AKAP6: variants seen among roughly 807,000 people sequenced by gnomAD.
AKAP6 encodes the protein A-kinase anchoring protein 6.
AKAP6 carries 58 observed loss-of-function variants against 188.5 expected under a neutral mutation model. That is an observed-to-expected ratio of 0.31 (90% CI 0.25 to 0.38). The LOEUF (loss-of-function observed/expected upper bound fraction) is 0.38. Ranked by LOEUF, AKAP6 falls within the 10% of genes least tolerant of loss-of-function variation. The pLI, the probability that AKAP6 is intolerant of heterozygous loss-of-function variation, is 1.00. For missense variants in AKAP6, 2,710 were observed against 2,740.0 expected (o/e 0.99, Z 0.24); for synonymous variants, 989 against 998.6 (o/e 0.99, Z 0.18).
In AKAP6 at chr14:32,388,828, C is replaced by T. The variant is rs573671299; in HGVS notation, c.-34-44632C>T. On this transcript the variant is annotated intron_variant, in intron 1 of 13. Transcript: ENST00000280979. The stretch of plus-strand genomic sequence containing the variant: ...ACTGTTGAATAGAATGTATATTCTG[C>T]GGTTGTTGGATGGAATGTTCTGTAT... 2.2e-3 allele frequency among the ~76,000 whole-genome samples: 334 copies of T among 152,028 alleles called. 1 individual carries two copies. Among genetic ancestry groups the T allele is most frequent in the Non-Finnish European group, 3.8e-3 (255 of 67,924 alleles).
chr14:32,702,773 C>A (rs901975040), intron 9 of AKAP6, among the ~76,000 whole-genome samples: 1 of 152,130 alleles, frequency 6.6e-6, no homozygotes, highest in African/African-American at 2.4e-5. Context: ...TCAAACGAGC[C>A]GTGGGGAAAG....
rs2034622371 is a variant in AKAP6 at position 32,824,415 on chromosome 14, G to A, written c.6602G>A (p.Ser2201Asn). 3 of 1,613,938 alleles carry A rather than the reference G, an allele frequency of 1.9e-6. No individual in the cohort carries two copies. In the East Asian group the frequency reaches 6.7e-5, roughly 36 times the overall value. The stretch of plus-strand genomic sequence containing the variant: ...GCATGTTCTTCTGAGTTCAGTGATA[G>A]TTCTCTTTCAGCTGATGATGCAGAT... ...ATACSSEFSD[S>N]SLSADDADTV... The change falls in exon 13 of 14, where the codon AGT (serine) becomes AAT (asparagine). Residue 2201 changes from serine to asparagine, a missense_variant. Physicochemically the swap from Ser to Asn is conservative, Grantham distance 46. This residue lies in a region of AKAP6 where 2,473 missense variants were observed against 2,426.1 expected (regional missense o/e 1.02). Transcript: ENST00000280979.
At position 32,830,299 on chromosome 14, in the gene AKAP6, A is replaced by G. The variant is rs2034796292; in HGVS notation, c.*494A>G. ...TGTTTATTGAAAGAGTTTTACCTAAAAAGCCAACATTTGAATTGGTTGCAG... is the reference window on the plus strand; with the variant it reads ...TGTTTATTGAAAGAGTTTTACCTAAGAAGCCAACATTTGAATTGGTTGCAG... On this transcript the variant is annotated 3_prime_UTR_variant, in exon 14 of 14. Transcript: ENST00000280979. The G allele has an allele frequency of 1.4e-5, 3 of 213,118 alleles. No homozygotes were observed. The highest frequency in any genetic ancestry group is 1.8e-5 in the Non-Finnish European group (2 of 108,434). The allele number at this position is 213,118 out of a possible 1,614,324, so 13.2% of individuals were successfully genotyped here.
intron 11 of AKAP6, among the ~76,000 whole-genome samples, chr14:32,752,984 G>T (rs900046627): frequency 2.0e-5 from 3 of 151,978 alleles, no homozygotes; most frequent in African/African-American, 7.3e-5. Flanking sequence ...TCCATATCTT[G>T]ATTATTATGA....
intron 9 of AKAP6, among the ~76,000 whole-genome samples, chr14:32,710,915 G>C (rs1891030863): frequency 6.6e-6 from 1 of 152,032 alleles, no homozygotes; most frequent in South Asian, 2.1e-4. Context: ...ACACTGCCAG[G>C]CACATTCATT....
At position 32,523,763 on chromosome 14, in the gene AKAP6, G is replaced by A. The variant is rs946280003; in HGVS notation, c.325-11791G>A. Among the ~76,000 whole-genome samples, 6 of 147,644 alleles carry A rather than the reference G, an allele frequency of 4.1e-5. No homozygotes were observed. In the Admixed American group the frequency reaches 4.1e-4, roughly 10 times the overall value. On this transcript the variant is annotated intron_variant, in intron 2 of 13. Coordinates refer to ENST00000280979, the MANE Select transcript of AKAP6 (RefSeq NM_004274.5). ...GTTGCAGGTGTGAGCCACCATGCCT[G>A]GCCATGAAGTTAAATACTCCTCCTG...
intron 7 of AKAP6, among the ~76,000 whole-genome samples, chr14:32,607,142 G>A (rs752901776): frequency 7.2e-5 from 11 of 152,174 alleles, no homozygotes; most frequent in Admixed American, 3.9e-4. Context: ...GGGTAAGAGC[G>A]CAACTGGCTA....
chr14:32,398,637 C>T (rs140619914), intron 1 of AKAP6, among the ~76,000 whole-genome samples: 1 of 152,268 alleles, frequency 6.6e-6, no homozygotes, highest in African/African-American at 2.4e-5. Flanking sequence ...GGGACAGTCT[C>T]TGTGAATATG....
At chr14:32,773,576 G>A (rs1443697809) in intron 11 of AKAP6, 102 bp from the exon 12 acceptor site, 3 of 1,092,668 alleles carry the variant, frequency 2.7e-6, no homozygotes, top group African/African-American at 1.6e-5. Flanking sequence ...TGGTAGCTGA[G>A]TGTATCACTA....
chr14:32,376,316 G>T (rs1888155945), intron 1 of AKAP6, among the ~76,000 whole-genome samples: 1 of 152,136 alleles, frequency 6.6e-6, no homozygotes, highest in Non-Finnish European at 1.5e-5. Context: ...CTTTTCCTTA[G>T]TTGCTTTTAA....
chr14:32,525,530 T>C (rs1882076936), intron 2 of AKAP6, among the ~76,000 whole-genome samples: 1 of 152,180 alleles, frequency 6.6e-6, no homozygotes, highest in Non-Finnish European at 1.5e-5. Context: ...TTCATCATTC[T>C]CTTTCTATCA....
intron 10 of AKAP6, chr14:32,733,026 T>C (rs12880654): frequency 0.12 from 25,901 of 219,586 alleles, 1,851 homozygotes; most frequent in African/African-American, 0.21. Flanking sequence ...GAGTTGTCAC[T>C]ACAGCTTTCA....
intron 1 of AKAP6, among the ~76,000 whole-genome samples, chr14:32,343,880 T>G (rs1886979344): frequency 6.6e-6 from 1 of 151,912 alleles, no homozygotes; most frequent in African/African-American, 2.4e-5. Context: ...TCTTACAACC[T>G]TTGCCTTTTC....
At chr14:32,490,174 A>C (rs1477418825) in intron 2 of AKAP6, among the ~76,000 whole-genome samples, 3 of 150,360 alleles carry the variant, frequency 2.0e-5, no homozygotes, top group Non-Finnish European at 4.4e-5. Flanking sequence ...CAATGGTGGA[A>C]TGTCATCAGT....
At chr14:32,705,329 A>T (rs12431571) in intron 9 of AKAP6, among the ~76,000 whole-genome samples, 16,260 of 152,222 alleles carry the variant, frequency 0.11, 896 homozygotes, top group Admixed American at 0.13. Context: ...ATATCTAGCT[A>T]AAATAGAAAG....
chr14:32,391,512 C>T (rs1888714242), intron 1 of AKAP6, among the ~76,000 whole-genome samples: 2 of 152,176 alleles, frequency 1.3e-5, no homozygotes, highest in South Asian at 4.1e-4. Flanking sequence ...AAAGCATATT[C>T]TTTGGAATCA....
chr14:32,603,942 A>G (rs1366627821), intron 7 of AKAP6, among the ~76,000 whole-genome samples: 8 of 152,144 alleles, frequency 5.3e-5, no homozygotes, highest in African/African-American at 1.9e-4. Flanking sequence ...ATTTAAAAAT[A>G]TAAGAATTAA....
At chr14:32,712,397 A>G (rs2029931461) in intron 9 of AKAP6, among the ~76,000 whole-genome samples, 1 of 151,968 alleles carries the variant, frequency 6.6e-6, no homozygotes, top group African/African-American at 2.4e-5. Context: ...GGCTGCGGCA[A>G]TTTCTTAAAA....
chr14:32,837,329 A>T lies in AKAP6; in HGVS notation c.*7524A>T, dbSNP rs1350985105. 2.0e-5 allele frequency: 3 copies of T among 152,262 alleles called. No individual in the cohort carries two copies. In the East Asian group the frequency reaches 5.8e-4, roughly 29 times the overall value. The allele number at this position is 152,262 out of a possible 1,614,324, so 9.4% of individuals were successfully genotyped here. A position where few individuals can be genotyped will look rare whatever the true frequency, so the allele number is the denominator to read the frequency against. Reference sequence around the variant, plus strand: ...AACCTAACCTGCCATTTTAAAAGACACCTAACTCTATAAACAAATGGGCCA... The same window carrying T: ...AACCTAACCTGCCATTTTAAAAGACTCCTAACTCTATAAACAAATGGGCCA... On this transcript the variant is annotated 3_prime_UTR_variant, in exon 14 of 14. Coordinates refer to ENST00000280979, the MANE Select transcript of AKAP6 (RefSeq NM_004274.5).
Sources: allele counts gnomAD v4.1 joint callset (sites outside exome capture counted in the v4.1 genomes callset), GRCh38; gene constraint gnomAD v4.1.1; regional missense constraint gnomAD v4.1.1; transcripts MANE v1.5; gene names NCBI Gene and HGNC (gene_info 2026-07-23, HGNC 2026-07-21).